RYK: variants seen among roughly 807,000 people sequenced by gnomAD.
RYK encodes receptor like tyrosine kinase.
In RYK, 21 loss-of-function variants were observed where a neutral mutation model predicts 70.2. That is an observed-to-expected ratio of 0.30 (90% CI 0.21 to 0.43). The LOEUF (loss-of-function observed/expected upper bound fraction) is 0.43, where lower values mean the gene tolerates loss of function less well. Among genes scored for constraint, RYK ranks in the 20% least tolerant of loss-of-function variants. RYK has a pLI of 1.00. For synonymous variants in RYK, 267 were observed against 278.0 expected, an observed-to-expected ratio of 0.96 and a Z score of 0.39; for missense variants, 604 against 753.3, an observed-to-expected ratio of 0.80 and a Z score of 2.32.
rs781052565 is a variant in RYK, at chr3:134,175,633, G to A, written c.1551C>T (p.Asn517=). 2.4e-5 allele frequency: 39 copies of A among 1,613,754 alleles called. No individual in the cohort carries two copies. The highest frequency in any genetic ancestry group is 6.7e-5 in the Admixed American group (4 of 59,992). The change falls in exon 13 of 15, where the codon AAC becomes AAT. Residue 517 remains asparagine, a synonymous_variant. Coordinates refer to ENST00000623711, the MANE Select transcript of RYK (RefSeq NM_002958.4). Reference sequence around the variant, plus strand: ...CCACATCACTAGCGCTAGAGAACTCGTTATTAACCAGACTTTCAAGAGCCA... The same window carrying A: ...CCACATCACTAGCGCTAGAGAACTCATTATTAACCAGACTTTCAAGAGCCA... ...RWMALESLVN[N]EFSSASDVWA...
intron 6 of RYK, among the ~76,000 whole-genome samples, chr3:134,200,090 T>C (rs2013951412): frequency 6.6e-6 from 1 of 151,916 alleles, no homozygotes; most frequent in South Asian, 2.1e-4. Flanking sequence ...AGGATGTGGG[T>C]GGGGCCAAAT....
chr3:134,222,314 C>T, intron 2 of RYK, 104 bp downstream of exon 2: 1 of 1,159,182 alleles, frequency 8.6e-7, no homozygotes, highest in Non-Finnish European at 1.3e-6. Context: ...ATCACATCAC[C>T]AGCGGACCCT....
intron 2 of RYK, among the ~76,000 whole-genome samples, chr3:134,218,555 G>A (rs1016120454): frequency 7.2e-5 from 11 of 152,234 alleles, no homozygotes; most frequent in Non-Finnish European, 1.5e-4. Flanking sequence ...ATGAAAAAAC[G>A]GCATTTGTGG....
chr3:134,239,333 C>T (rs1462145437), intron 1 of RYK, among the ~76,000 whole-genome samples: 1 of 151,976 alleles, frequency 6.6e-6, no homozygotes, highest in Non-Finnish European at 1.5e-5. Flanking sequence ...TATGGTAGCT[C>T]ACACCTGTAG....
At chr3:134,248,740 G>A (rs2015534662) in intron 1 of RYK, among the ~76,000 whole-genome samples, 1 of 152,094 alleles carries the variant, frequency 6.6e-6, no homozygotes, top group Non-Finnish European at 1.5e-5. Flanking sequence ...AGAGATTGCA[G>A]TGAGCCGAGA....
chr3:134,172,731 T>C (rs1039570942), intron 13 of RYK, among the ~76,000 whole-genome samples: 2 of 152,230 alleles, frequency 1.3e-5, no homozygotes, highest in Non-Finnish European at 2.9e-5. Flanking sequence ...ACTTGGTATG[T>C]TTAACTTCTA....
At chr3:134,220,983 C>A (rs182329527) in intron 2 of RYK, among the ~76,000 whole-genome samples, 14 of 152,084 alleles carry the variant, frequency 9.2e-5, no homozygotes, top group African/African-American at 3.1e-4. Flanking sequence ...TCCATACAAT[C>A]TCATATTATA....
chr3:134,237,230 A>T lies in RYK; in HGVS notation c.232+13193T>A, dbSNP rs551047620. 2.4e-4 allele frequency among the ~76,000 whole-genome samples: 36 copies of T among 152,316 alleles called. 1 individual carries two copies. Among genetic ancestry groups the T allele is most frequent in the Admixed American group, 1.4e-3 (22 of 15,288 alleles). ...AAAAATTTTTTCCAAATGATTTTAA[A>T]AGTTGACTATTGGTTTCTCAAAGCT... On this transcript the variant is annotated intron_variant, in intron 1 of 14. Transcript: ENST00000623711.
At chr3:134,171,566 C>A (rs148602197) in intron 13 of RYK, among the ~76,000 whole-genome samples, 9 of 152,170 alleles carry the variant, frequency 5.9e-5, no homozygotes, top group African/African-American at 1.9e-4. Flanking sequence ...GAAATAAATA[C>A]GTTAAATTAA....
chr3:134,209,382 T>C (rs1368105005), intron 4 of RYK, among the ~76,000 whole-genome samples: 3 of 152,210 alleles, frequency 2.0e-5, no homozygotes, highest in Non-Finnish European at 4.4e-5. Flanking sequence ...ACAGTTAACA[T>C]AGTTACTCAG....
intron 7 of RYK, 104 bp from the exon 8 acceptor site, chr3:134,192,078 G>T: frequency 9.0e-7 from 1 of 1,108,872 alleles, no homozygotes; most frequent in Non-Finnish European, 1.3e-6. Flanking sequence ...ACAGGAATGA[G>T]TGTAAGAATC....
At chr3:134,159,865 A>C (rs2012394502) in intron 13 of RYK, among the ~76,000 whole-genome samples, 1 of 152,226 alleles carries the variant, frequency 6.6e-6, no homozygotes, top group African/African-American at 2.4e-5. Flanking sequence ...TGCTTGAGTA[A>C]GCAATCAGGT....
chr3:134,167,365 C>A (rs1373621250), intron 13 of RYK, among the ~76,000 whole-genome samples: 1 of 152,062 alleles, frequency 6.6e-6, no homozygotes, highest in African/African-American at 2.4e-5. Context: ...GCTACAGTAA[C>A]CAAAACAGCA....
chr3:134,220,813 C>T (rs1027861043), intron 2 of RYK, among the ~76,000 whole-genome samples: 1 of 151,876 alleles, frequency 6.6e-6, no homozygotes, highest in African/African-American at 2.4e-5. Flanking sequence ...GATGAACTAC[C>T]AATTGTTTTC....
Position 134,157,223 on chromosome 3 carries a change from T to C in RYK, c.*930A>G, listed in dbSNP as rs2012272820. The C allele has an allele frequency of 6.6e-6, 1 of 152,658 alleles. No individual in the cohort carries two copies. Among genetic ancestry groups the C allele is most frequent in the African/African-American group, 2.4e-5 (1 of 41,458 alleles). The allele number at this position is 152,658 out of a possible 1,614,324, so 9.5% of individuals were successfully genotyped here. ...TGAAGATAAGCACAAAATTTACCAG[T>C]TTACATTTAAAAAACAAACAAAAAA... On this transcript the variant is annotated 3_prime_UTR_variant, in exon 15 of 15. Coordinates refer to ENST00000623711, the MANE Select transcript of RYK (RefSeq NM_002958.4).
chr3:134,243,227 A>T (rs950269822), intron 1 of RYK, among the ~76,000 whole-genome samples: 16 of 152,150 alleles, frequency 1.1e-4, no homozygotes, highest in African/African-American at 3.6e-4. Flanking sequence ...GAAACCCTAG[A>T]TTCCTCTGTG....
intron 2 of RYK, among the ~76,000 whole-genome samples, chr3:134,218,330 G>A (rs796916753): frequency 4.6e-5 from 7 of 152,290 alleles, no homozygotes; most frequent in African/African-American, 9.6e-5. Flanking sequence ...TTAGTACCAC[G>A]TGCTATACCA....
At chr3:134,161,104 T>C (rs557527929) in intron 13 of RYK, among the ~76,000 whole-genome samples, 3 of 152,306 alleles carry the variant, frequency 2.0e-5, no homozygotes, top group South Asian at 4.1e-4. Flanking sequence ...CATATTCTCT[T>C]ATGTTAAAAT....
chr3:134,207,001 A>C (rs962497191), intron 5 of RYK, among the ~76,000 whole-genome samples: 3 of 152,194 alleles, frequency 2.0e-5, no homozygotes, highest in African/African-American at 7.2e-5. Context: ...AGAAGTTTGT[A>C]ATAATATCTA....
Sources: gnomAD v4.1 joint callset for allele counts (sites outside exome capture counted in the v4.1 genomes callset) on GRCh38, gnomAD v4.1.1 for gene constraint, MANE v1.5 for transcripts, NCBI Gene and HGNC (gene_info 2026-07-23, HGNC 2026-07-21) for gene names.